The following SLCO1A2 variants were observed in gnomAD, a reference collection of about 807,000 sequenced individuals.
SLCO1A2 encodes OATP-1.
SLCO1A2 carries 67 observed loss-of-function variants against 69.0 expected under a neutral mutation model. The observed-to-expected ratio is 0.97, with a 90% CI of 0.80 to 1.19. The LOEUF is 1.19. SLCO1A2 is among the 50% of genes most tolerant of loss of function. The probability of loss-of-function intolerance (pLI) is 0.00; values close to 1 mark genes in which losing one functional copy is unlikely to be tolerated. For synonymous variants in SLCO1A2, 260 were observed against 265.9 expected (o/e 0.98, Z 0.22); for missense variants, 787 against 793.7 (o/e 0.99, Z 0.10).
chr12:21,375,989 T>C (rs1940166829), intron 1 of SLCO1A2, among the ~76,000 whole-genome samples: 1 of 152,196 alleles, frequency 6.6e-6, no homozygotes, highest in South Asian at 2.1e-4. Context: ...TTGCTTTAGA[T>C]AGAATCTTAT....
At chr12:21,392,075 T>C (rs1464558016) in intron 1 of SLCO1A2, among the ~76,000 whole-genome samples, 1 of 152,210 alleles carries the variant, frequency 6.6e-6, no homozygotes, top group Non-Finnish European at 1.5e-5. Flanking sequence ...ACTGACTCTT[T>C]CTCTTAAGGC....
At chr12:21,305,409 C>T (rs750448663) in intron 5 of SLCO1A2, among the ~76,000 whole-genome samples, 4 of 152,204 alleles carry the variant, frequency 2.6e-5, no homozygotes, top group African/African-American at 9.7e-5. Flanking sequence ...CCAGGTGAGA[C>T]TGTGAGGTCC....
At chr12:21,310,633 G>A (rs1284543572) in intron 4 of SLCO1A2, among the ~76,000 whole-genome samples, 5 of 152,180 alleles carry the variant, frequency 3.3e-5, no homozygotes, top group Non-Finnish European at 4.4e-5. Flanking sequence ...ACGGAGTCTC[G>A]CTATGTCGCC....
At chr12:21,272,151 C>G (rs944957104) in intron 14 of SLCO1A2, among the ~76,000 whole-genome samples, 2 of 151,188 alleles carry the variant, frequency 1.3e-5, no homozygotes, top group Non-Finnish European at 1.5e-5. Context: ...GGTATCAATA[C>G]TTTTTTTTAA....
upstream of SLCO1A2, among the ~76,000 whole-genome samples, chr12:21,339,058 A>G (rs1182684729): frequency 1.3e-5 from 2 of 152,018 alleles, no homozygotes; most frequent in Non-Finnish European, 2.9e-5. Flanking sequence ...CAAGATTGTC[A>G]TGAAGATTGA....
chr12:21,335,927 T>C (rs1952871163), upstream of SLCO1A2, among the ~76,000 whole-genome samples: 1 of 152,088 alleles, frequency 6.6e-6, no homozygotes, highest in African/African-American at 2.4e-5. Context: ...AGAAGTATGT[T>C]TCTGTGGAAG....
chr12:21,373,672 A>T (rs976582409), intron 2 of SLCO1A2: 2 of 701,474 alleles, frequency 2.9e-6, no homozygotes, highest in Admixed American at 2.0e-5. Flanking sequence ...TTTTGTCAAG[A>T]AATATACTCT....
At chr12:21,405,533 A>G (rs1477864450) in intron 1 of SLCO1A2, among the ~76,000 whole-genome samples, 2 of 152,232 alleles carry the variant, frequency 1.3e-5, no homozygotes, top group South Asian at 2.1e-4. Context: ...AAACTATGCT[A>G]CAAGGCTACA....
intron 2 of SLCO1A2, among the ~76,000 whole-genome samples, chr12:21,357,585 T>C (rs1042322881): frequency 6.6e-6 from 1 of 152,234 alleles, no homozygotes; most frequent in Non-Finnish European, 1.5e-5. Flanking sequence ...CCAACTGGAC[T>C]ATATGTAAGG....
chr12:21,394,589 AC>A (rs1941336623), intron 1 of SLCO1A2, among the ~76,000 whole-genome samples: 1 of 151,872 alleles, frequency 6.6e-6, no homozygotes. Context: ...ACAACAAAAA[AC>A]AAAAAAAAAA....
chr12:21,394,477 G>T (rs144650346), intron 1 of SLCO1A2, among the ~76,000 whole-genome samples: 14 of 149,750 alleles, frequency 9.3e-5, no homozygotes, highest in African/African-American at 3.4e-4. Flanking sequence ...GGAGGTAGAG[G>T]CTGCAAGTGA....
At chr12:21,406,894 G>C (rs1175052730) in intron 1 of SLCO1A2, among the ~76,000 whole-genome samples, 1 of 152,166 alleles carries the variant, frequency 6.6e-6, no homozygotes, top group Non-Finnish European at 1.5e-5. Flanking sequence ...GTTCAAAGCA[G>C]TGAAGAACCA....
chr12:21,295,250 G>C (rs1031591073), intron 10 of SLCO1A2: 1 of 174,598 alleles, frequency 5.7e-6, no homozygotes, highest in Non-Finnish European at 1.2e-5. Context: ...TCAGTTATGG[G>C]AGTATAAGAT....
intron 4 of SLCO1A2, among the ~76,000 whole-genome samples, chr12:21,308,953 C>T (rs532173142): frequency 2.0e-5 from 3 of 152,068 alleles, no homozygotes; most frequent in Non-Finnish European, 4.4e-5. Context: ...AATAAAAAAA[C>T]GGTACACTTG....
At chr12:21,336,643 A>G (rs1344266691), upstream of SLCO1A2, among the ~76,000 whole-genome samples, 1 of 152,026 alleles carries the variant, frequency 6.6e-6, no homozygotes, top group Non-Finnish European at 1.5e-5. Context: ...AAATAAACAA[A>G]TTAACAAAAT....
chr12:21,330,704 T>TCAA (rs1451893320), intron 2 of SLCO1A2, among the ~76,000 whole-genome samples: 3 of 152,170 alleles, frequency 2.0e-5, no homozygotes, highest in Non-Finnish European at 4.4e-5. Flanking sequence ...TAAGAGTAAC[T>TCAA]CAACATTTTT....
At chr12:21,391,469 A>G (rs1389509821) in intron 1 of SLCO1A2, among the ~76,000 whole-genome samples, 2 of 152,200 alleles carry the variant, frequency 1.3e-5, no homozygotes, top group Non-Finnish European at 2.9e-5. Context: ...AGGAAAAATT[A>G]TAATCCTGGT....
intron 2 of SLCO1A2, among the ~76,000 whole-genome samples, chr12:21,353,976 C>A (rs1242112745): frequency 3.3e-5 from 5 of 152,196 alleles, no homozygotes; most frequent in African/African-American, 9.7e-5. Context: ...CTCCTGCTTA[C>A]CACTTTCGAA....
intron 2 of SLCO1A2, among the ~76,000 whole-genome samples, chr12:21,362,735 G>T (rs1939020245): frequency 6.6e-6 from 1 of 152,064 alleles, no homozygotes; most frequent in Admixed American, 6.6e-5. Flanking sequence ...ACAAAAAAAG[G>T]CAGGGTTGCA....
Sources: gnomAD v4.1 joint callset for allele counts (sites outside exome capture counted in the v4.1 genomes callset) on GRCh38, gnomAD v4.1.1 for gene constraint, MANE v1.5 for transcripts, NCBI Gene and HGNC (gene_info 2026-07-23, HGNC 2026-07-21) for gene names.